Variants in SYNPR observed in about 807,000 individuals in gnomAD.
SYNPR encodes synaptoporin.
SYNPR carries 23 observed loss-of-function variants against 32.9 expected under a neutral mutation model. The ratio of observed to expected loss-of-function variants is 0.70; its 90% CI spans 0.50 to 0.99. SYNPR has a LOEUF of 0.99. Ranked by LOEUF, SYNPR falls within the 50% of genes least tolerant of loss-of-function variation. The pLI is 0.00. For missense variants in SYNPR, 318 were observed against 349.3 expected (o/e 0.91, Z 0.71); for synonymous variants, 146 against 135.9 (o/e 1.07, Z -0.52).
chr3:63,451,071 C>T (rs1003204018), intron 2 of SYNPR, among the ~76,000 whole-genome samples: 2 of 152,018 alleles, frequency 1.3e-5, no homozygotes, highest in Non-Finnish European at 2.9e-5. Context: ...CATCTTGGGG[C>T]CTTCGTATCT....
intron 1 of SYNPR, among the ~76,000 whole-genome samples, chr3:63,231,740 G>T (rs1045757209): frequency 6.6e-6 from 1 of 152,138 alleles, no homozygotes; most frequent in African/African-American, 2.4e-5. Flanking sequence ...TGCCAAAAAA[G>T]CACATGGTTC....
chr3:63,583,996 A>T (rs892659068), intron 4 of SYNPR, among the ~76,000 whole-genome samples: 8 of 152,110 alleles, frequency 5.3e-5, no homozygotes, highest in Non-Finnish European at 8.8e-5. Flanking sequence ...GGAGGAGTAG[A>T]TGGGGGTGAT....
chr3:63,547,478 C>A (rs1413765797), intron 3 of SYNPR, among the ~76,000 whole-genome samples: 2 of 152,080 alleles, frequency 1.3e-5, no homozygotes, highest in East Asian at 3.9e-4. Context: ...GCGTAATGTG[C>A]CTTGTGAGGT....
intron 2 of SYNPR, among the ~76,000 whole-genome samples, chr3:63,304,912 T>G (rs1165558139): frequency 6.6e-6 from 1 of 152,020 alleles, no homozygotes; most frequent in Non-Finnish European, 1.5e-5. Context: ...AAACAGATCT[T>G]GATTTCAGTC....
intron 2 of SYNPR, among the ~76,000 whole-genome samples, chr3:63,335,954 G>A (rs1448153972): frequency 1.3e-5 from 2 of 151,668 alleles, no homozygotes; most frequent in Non-Finnish European, 2.9e-5. Context: ...TTTTGTATTT[G>A]TAATAGAGAC....
Position 63,233,372 on chromosome 3 carries a change from T to A in SYNPR, n.66+4992T>A, listed in dbSNP as rs61185070. 8.6e-3 allele frequency among the ~76,000 whole-genome samples: 1,316 copies of A among 152,322 alleles called. 13 individuals are homozygous for A. The highest frequency in any genetic ancestry group is 0.053 in the East Asian group (275 of 5,184). ...AACAGGTGGACAGTAAATTTTCTAA[T>A]TGTTTCTTGTCAACTTCAAGATAAG... is the stretch of plus-strand genomic sequence containing the variant. On this transcript the variant is annotated intron_variant and non_coding_transcript_variant, in intron 1 of 4. Coordinates refer to the SYNPR transcript ENST00000478456.
chr3:63,220,730 C>A, the SYNPR span, among the ~76,000 whole-genome samples: 3 of 152,164 alleles, frequency 2.0e-5, no homozygotes, highest in Non-Finnish European at 2.9e-5. Flanking sequence ...CTCAGAGACA[C>A]CAGCACCAGC....
rs1700335068 is a variant in SYNPR, at chr3:63,449,162, C to T, written c.85-31670C>T. On this transcript the variant is annotated intron_variant, in intron 2 of 5. Coordinates refer to ENST00000478300, the MANE Select transcript of SYNPR (RefSeq NM_001130003.2). ...AAAAGTAAAGAAGATAAAGAATAAACAGAGAAGGTGCCTAAAGAAACTATG... is the reference window on the plus strand; with the variant it reads ...AAAAGTAAAGAAGATAAAGAATAAATAGAGAAGGTGCCTAAAGAAACTATG... Among the ~76,000 whole-genome samples, 4 of 152,086 alleles carry T rather than the reference C, an allele frequency of 2.6e-5. No individual in the cohort carries two copies. The South Asian group carries it at 8.3e-4, about 31-fold the overall frequency.
intron 2 of SYNPR, among the ~76,000 whole-genome samples, chr3:63,474,179 A>G (rs1020179269): frequency 3.9e-5 from 6 of 152,168 alleles, no homozygotes; most frequent in Admixed American, 3.9e-4. Context: ...GGGCAAGAAC[A>G]TTGGAGATTT....
intron 2 of SYNPR, among the ~76,000 whole-genome samples, chr3:63,447,016 T>C (rs961541291): frequency 1.3e-5 from 2 of 152,080 alleles, no homozygotes; most frequent in Non-Finnish European, 2.9e-5. Context: ...TATGTCTTTC[T>C]CTTGTTCTTA....
chr3:63,608,688 G>C (rs1559550283), intron 4 of SYNPR, among the ~76,000 whole-genome samples: 1 of 152,146 alleles, frequency 6.6e-6, no homozygotes, highest in Non-Finnish European at 1.5e-5. Context: ...ATGACAGCTT[G>C]GTGGTTAAGA....
intron 2 of SYNPR, among the ~76,000 whole-genome samples, chr3:63,401,607 C>A (rs1380259760): frequency 6.6e-6 from 1 of 152,096 alleles, no homozygotes; most frequent in Non-Finnish European, 1.5e-5. Flanking sequence ...ATTAGCTGAA[C>A]TTTTTAGAGT....
Position 63,443,401 on chromosome 3 carries a change from A to G in SYNPR, c.85-37431A>G, listed in dbSNP as rs146759151. 7,405 of 1,593,638 alleles carry G rather than the reference A, an allele frequency of 4.6e-3. 25 individuals carry two copies. The highest frequency in any genetic ancestry group is 5.8e-3 in the Non-Finnish European group (6,790 of 1,169,338). ...TTATTTTTAGTATGAGACAACCTCT[A>G]TTTTCTTTCAGGAGAGGGAAGTTGG... On this transcript the variant is annotated intron_variant, in intron 2 of 5. Transcript: ENST00000478300.
At chr3:63,389,455 G>A (rs79453027) in intron 2 of SYNPR, among the ~76,000 whole-genome samples, 3 of 152,290 alleles carry the variant, frequency 2.0e-5, no homozygotes, top group South Asian at 2.1e-4. Context: ...GAGCAGAAAG[G>A]TGTCTCTCTT....
intron 2 of SYNPR, among the ~76,000 whole-genome samples, chr3:63,383,443 G>A (rs540533270): frequency 2.8e-4 from 42 of 152,104 alleles, no homozygotes; most frequent in African/African-American, 9.9e-4. Flanking sequence ...AGGACCAGGC[G>A]CAGTGGCTCA....
intron 2 of SYNPR, among the ~76,000 whole-genome samples, chr3:63,466,183 G>A (rs1165823156): frequency 3.9e-5 from 6 of 151,948 alleles, no homozygotes; most frequent in African/African-American, 1.2e-4. Flanking sequence ...TCCTGTGTTA[G>A]TTTGCTAAGG....
At chr3:63,455,596 T>C (rs1476882779) in intron 2 of SYNPR, among the ~76,000 whole-genome samples, 1 of 152,088 alleles carries the variant, frequency 6.6e-6, no homozygotes, top group Non-Finnish European at 1.5e-5. Context: ...TACAAATCAT[T>C]TCCTAACGTA....
intron 5 of SYNPR, among the ~76,000 whole-genome samples, chr3:63,611,895 G>C (rs1700204922): frequency 6.6e-6 from 1 of 152,132 alleles, no homozygotes; most frequent in Non-Finnish European, 1.5e-5. Context: ...GGATGATGTA[G>C]TAGAAACGTG....
At chr3:63,525,080 G>A (rs187351046) in intron 3 of SYNPR, among the ~76,000 whole-genome samples, 7 of 152,102 alleles carry the variant, frequency 4.6e-5, no homozygotes, top group East Asian at 1.9e-4. Context: ...GATGGAGAGC[G>A]ACAAAAGTAA....
Sources: allele counts gnomAD v4.1 joint callset (sites outside exome capture counted in the v4.1 genomes callset), GRCh38; gene constraint gnomAD v4.1.1; transcripts MANE v1.5; gene names NCBI Gene and HGNC (gene_info 2026-07-23, HGNC 2026-07-21).